Variants in AHNAK observed in about 807,000 individuals in gnomAD.
AHNAK encodes the protein neuroblast differentiation-associated protein AHNAK.
AHNAK carries 23 observed loss-of-function variants against 37.8 expected under a neutral mutation model. The observed-to-expected ratio is 0.61, with a 90% CI of 0.44 to 0.86. The LOEUF is 0.86. Among genes scored for constraint, AHNAK ranks in the 40% least tolerant of loss-of-function variants. The pLI, the probability that AHNAK is intolerant of heterozygous loss-of-function variation, is 0.00. For missense variants in AHNAK, 7,411 were observed against 7,319.4 expected, an observed-to-expected ratio of 1.01 and a Z score of -0.46; for synonymous variants, 2,481 against 2,636.3, an observed-to-expected ratio of 0.94 and a Z score of 1.80.
chr11:62,448,999 C>G (rs369278149), intron 5 of AHNAK, among the ~76,000 whole-genome samples: 10 of 152,140 alleles, frequency 6.6e-5, no homozygotes, highest in African/African-American at 2.4e-4. Flanking sequence ...ACCCCGGAGG[C>G]AGAGGCTGAA....
At position 62,433,998 on chromosome 11, in the gene AHNAK, C is replaced by G. The variant is rs181693643; in HGVS notation, c.443-107G>C. 4.0e-5 allele frequency: 57 copies of G among 1,417,994 alleles called. No individual in the cohort carries two copies. The South Asian group carries it at 5.5e-4, about 14-fold the overall frequency. 87.8% of individuals were successfully genotyped at this position (1,417,994 alleles called of 1,614,324 possible). On this transcript the variant is annotated intron_variant, in intron 5 of 5. Coordinates refer to the AHNAK transcript ENST00000257247. ...TGCACCAACTGAAAGAAGGTCCCCC[C>G]ACTCCTTGCTAGGGCATCCAAACAA...
intron 5 of AHNAK, among the ~76,000 whole-genome samples, chr11:62,449,721 G>A (rs948692085): frequency 3.3e-5 from 5 of 152,180 alleles, no homozygotes; most frequent in African/African-American, 1.2e-4. Flanking sequence ...AATGACTAAC[G>A]TTTATTGAAC....
rs771287636 is a variant in AHNAK, at chr11:62,533,254, C to A, written c.1163G>T (p.Gly388Val). The change falls in exon 5 of 5, where the codon GGT becomes GTT. Residue 388 changes from glycine (G) to valine (V), a missense_variant. Physicochemically the swap from Gly to Val is moderately radical, Grantham distance 109. Transcript: ENST00000378024. Reference sequence around the variant, plus strand: ...CCCAATGTGCCCCTGTGGCTTGGCACCTTTCAGGCCTAGGTCACCCTCAAG... The same window carrying A: ...CCCAATGTGCCCCTGTGGCTTGGCAACTTTCAGGCCTAGGTCACCCTCAAG... The part of the protein sequence containing the change: ...PSLEGDLGLK[G>V]AKPQGHIGVD... 2.6e-6 allele frequency: 4 copies of A among 1,525,750 alleles called. No individual in the cohort carries two copies. Among genetic ancestry groups the A allele is most frequent in the African/African-American group, 1.4e-5 (1 of 71,724 alleles). 94.5% of individuals were successfully genotyped at this position (1,525,750 alleles called of 1,614,324 possible). A position where few individuals can be genotyped will look rare whatever the true frequency, so the allele number is the denominator to read the frequency against.
At chr11:62,460,295 A>G (rs1193096276) in intron 5 of AHNAK, among the ~76,000 whole-genome samples, 2 of 152,138 alleles carry the variant, frequency 1.3e-5, no homozygotes, top group East Asian at 1.9e-4. Flanking sequence ...TCAAAAATAA[A>G]CAAACAAACA....
chr11:62,472,818 G>A (rs1939059599), intron 5 of AHNAK, among the ~76,000 whole-genome samples: 1 of 152,124 alleles, frequency 6.6e-6, no homozygotes, highest in South Asian at 2.1e-4. Context: ...TAGGTGCAGT[G>A]ACTCATGCCT....
chr11:62,523,572 G>A lies in AHNAK; in HGVS notation c.10845C>T (p.Phe3615=), dbSNP rs1940354158. Residue 3615 remains phenylalanine, a synonymous_variant, in exon 5 of 5, where the codon TTC becomes TTT. Coordinates refer to ENST00000378024, the MANE Select transcript of AHNAK (RefSeq NM_001620.3). ...VKMPKFSMPG[F]KGEGPEVDVT... is the part of the protein sequence containing the mutation. ...CATCGACTTCAGGGCCTTCTCCTTT[G>A]AAGCCAGGCATGCTGAACTTGGGCA... The A allele has an allele frequency of 3.1e-6, 5 of 1,614,018 alleles. No homozygotes were observed. Among genetic ancestry groups the A allele is most frequent in the East Asian group, 2.2e-5 (1 of 44,854 alleles).
chr11:62,512,370 C>A (rs1034628914), downstream of AHNAK, among the ~76,000 whole-genome samples: 1 of 152,184 alleles, frequency 6.6e-6, no homozygotes, highest in Non-Finnish European at 1.5e-5. This position sits in a 1 kb window ranked among gnomAD's most constrained non-coding sequence, Gnocchi z 4.0. Flanking sequence ...TCCTCCTCTA[C>A]CTCCAGTGCA....
intron 5 of AHNAK, among the ~76,000 whole-genome samples, chr11:62,482,136 C>T (rs367620511): frequency 7.1e-4 from 108 of 152,186 alleles, no homozygotes; most frequent in African/African-American, 2.5e-3. Flanking sequence ...GTATTTAGGC[C>T]GGGTGCAGTG....
chr11:62,531,018 CT>C lies in AHNAK; in HGVS notation c.3398del (p.Lys1133SerfsTer16). On this transcript the variant is annotated frameshift_variant, in exon 5 of 5. Transcript: ENST00000378024. LOFTEE classifies it low-confidence loss of function (END_TRUNC). Reference sequence around the variant, plus strand: ...CGCCTTTGAGGCTGGGCATGCTGAACTTGGGCATTTTCATCTTGGGTATTTT... The same window carrying C: ...CGCCTTTGAGGCTGGGCATGCTGAACTGGGCATTTTCATCTTGGGTATTTT... ...SLKIPKMKMP[K>X]FSMPSLKGEG... is the part of the protein sequence containing the mutation. 1.2e-6 allele frequency: 2 copies of C among 1,611,376 alleles called. No individual in the cohort carries two copies. Among genetic ancestry groups the C allele is most frequent in the Non-Finnish European group, 1.7e-6 (2 of 1,179,136 alleles).
At chr11:62,501,050 C>T (rs890953741) in intron 4 of AHNAK, among the ~76,000 whole-genome samples, 1 of 151,962 alleles carries the variant, frequency 6.6e-6, no homozygotes, top group African/African-American at 2.4e-5. Flanking sequence ...GAAACACCAT[C>T]TCTACAAAAA....
chr11:62,441,808 A>C (rs1938311677), intron 5 of AHNAK, among the ~76,000 whole-genome samples: 1 of 152,116 alleles, frequency 6.6e-6, no homozygotes, highest in Non-Finnish European at 1.5e-5. Flanking sequence ...AGCCTCAAAA[A>C]TAAATAAATA....
At position 62,521,320 on chromosome 11, in the gene AHNAK, G is replaced by T; in HGVS notation, c.13097C>A (p.Ala4366Glu). 3 of 1,613,570 alleles carry T rather than the reference G, an allele frequency of 1.9e-6. No individual in the cohort carries two copies. The highest frequency in any genetic ancestry group is 8.5e-7 in the Non-Finnish European group (1 of 1,179,880). ...APDVSIEGPD[A>E]KLKGPKFKMP... ...CTTGAACTTTGGACCCTTGAGTTTT[G>T]CATCTGGACCTTCGATACTGACATC... The change falls in exon 5 of 5, where the codon GCA (alanine) becomes GAA (glutamate). Residue 4366 changes from alanine (A) to glutamate (E), a missense_variant. Physicochemically the swap from Ala to Glu is moderately radical, Grantham distance 107 (BLOSUM62 -1). Transcript: ENST00000378024.
chr11:62,545,764 T>C (rs1401663218), intron 1 of AHNAK: 1 of 152,528 alleles, frequency 6.6e-6, no homozygotes, highest in Admixed American at 6.5e-5. Flanking sequence ...TGAGTTCTGG[T>C]TTGAATTAGT....
chr11:62,497,693 G>A (rs1415969937), intron 4 of AHNAK, among the ~76,000 whole-genome samples: 2 of 152,210 alleles, frequency 1.3e-5, no homozygotes, highest in Non-Finnish European at 2.9e-5. Flanking sequence ...AGGCGCGGTG[G>A]TTCACACCTG....
chr11:62,519,119 G>C lies in AHNAK; in HGVS notation c.15298C>G (p.Pro5100Ala). Residue 5100 changes from proline to alanine, a missense_variant, in exon 5 of 5, where the codon CCT becomes GCT. Physicochemically the swap from Pro to Ala is conservative, Grantham distance 27 (BLOSUM62 -1). Transcript: ENST00000378024. The stretch of plus-strand genomic sequence containing the variant: ...AGAGGGGCCTCAGCTTTAAATTTAG[G>C]TGATTTAATGTCAAACTCTACATCT... ...FPDVEFDIKS[P>A]KFKAEAPLPS... 1 of 1,613,766 alleles carries C rather than the reference G, an allele frequency of 6.2e-7. No individual in the cohort carries two copies. The highest frequency in any genetic ancestry group is 1.1e-5 in the South Asian group (1 of 90,966).
intron 5 of AHNAK, among the ~76,000 whole-genome samples, chr11:62,473,546 G>A (rs939545573): frequency 1.4e-4 from 22 of 152,112 alleles, no homozygotes; most frequent in South Asian, 8.3e-4. Flanking sequence ...TTAGTCGGGC[G>A]TGGTGGCAGG....
Position 62,524,739 on chromosome 11 carries a change from G to A in AHNAK, c.9678C>T (p.Leu3226=), listed in dbSNP as rs1940407165. Residue 3226 remains leucine, a synonymous_variant, in exon 5 of 5, where the codon CTC becomes CTT. Transcript: ENST00000378024. ...CTTTCATTTTAGGGCCTTTAAGATT[G>A]AGGTCCAAATCAGGCATTGATATTT... The part of the protein sequence containing the change: ...APKISMPDLD[L]NLKGPKMKGE... 1.2e-6 allele frequency: 2 copies of A among 1,613,978 alleles called. No homozygotes were observed. The highest frequency in any genetic ancestry group is 1.7e-5 in the Admixed American group (1 of 59,990).
intron 4 of AHNAK, among the ~76,000 whole-genome samples, chr11:62,501,420 A>T (rs1270564804): frequency 6.6e-6 from 1 of 152,164 alleles, no homozygotes; most frequent in Non-Finnish European, 1.5e-5. Flanking sequence ...ACAAAAAATT[A>T]GCCAGGCAGG....
intron 4 of AHNAK, among the ~76,000 whole-genome samples, chr11:62,504,718 A>G (rs1939777315): frequency 6.6e-6 from 1 of 151,814 alleles, no homozygotes; most frequent in African/African-American, 2.4e-5. Flanking sequence ...GGGCTGGGGA[A>G]CCTTAAGGCC....
Sources: allele counts gnomAD v4.1 joint callset (sites outside exome capture counted in the v4.1 genomes callset), GRCh38; gene constraint gnomAD v4.1.1; non-coding constraint Gnocchi (gnomAD v3.1); transcripts MANE v1.5; gene names NCBI Gene and HGNC (gene_info 2026-07-23, HGNC 2026-07-21).